TRHDE: variants seen among roughly 807,000 people sequenced by gnomAD.
TRHDE encodes thyrotropin-releasing hormone-degrading ectoenzyme.
A neutral mutation model predicts 125.7 loss-of-function variants in TRHDE; 72 were observed. The observed-to-expected ratio is 0.57, with a 90% CI of 0.47 to 0.70. TRHDE has a LOEUF of 0.70. TRHDE is among the 30% of genes least tolerant of loss of function. The pLI, the probability that TRHDE is intolerant of heterozygous loss-of-function variation, is 0.00. For synonymous variants in TRHDE, 509 were observed against 509.1 expected, an observed-to-expected ratio of 1.00 and a Z score of 0.00; for missense variants, 1,110 against 1,327.1, an observed-to-expected ratio of 0.84 and a Z score of 2.54.
chr12:72,548,342 C>A (rs565327333), intron 7 of TRHDE, among the ~76,000 whole-genome samples: 1 of 151,870 alleles, frequency 6.6e-6, no homozygotes, highest in East Asian at 1.9e-4. Flanking sequence ...AAATTTCTCA[C>A]CTTACAGCAT....
At chr12:72,355,531 C>T (rs529001146) in intron 2 of TRHDE, among the ~76,000 whole-genome samples, 7 of 151,834 alleles carry the variant, frequency 4.6e-5, no homozygotes, top group African/African-American at 1.7e-4. Flanking sequence ...AAAACAATCA[C>T]CACAAAAGCA....
At chr12:72,467,876 A>G (rs551365825) in intron 3 of TRHDE, among the ~76,000 whole-genome samples, 58 of 152,326 alleles carry the variant, frequency 3.8e-4, no homozygotes, top group Non-Finnish European at 6.2e-4. Context: ...TTTTAAAGTC[A>G]GGAATAAAGA....
intron 2 of TRHDE, among the ~76,000 whole-genome samples, chr12:72,355,772 G>C (rs1171079107): frequency 6.6e-6 from 1 of 151,568 alleles, no homozygotes; most frequent in Non-Finnish European, 1.5e-5. Flanking sequence ...AAAGAAGACA[G>C]ACATGTGGCC....
intron 2 of TRHDE, among the ~76,000 whole-genome samples, chr12:72,123,261 G>A (rs1875634632): frequency 6.6e-6 from 1 of 152,162 alleles, no homozygotes; most frequent in South Asian, 2.1e-4. Context: ...TACTTGAGCA[G>A]GGAAGTGAAT....
intron 15 of TRHDE, among the ~76,000 whole-genome samples, chr12:72,630,045 C>CAT (rs1002964208): frequency 6.7e-6 from 1 of 149,050 alleles, no homozygotes; most frequent in African/African-American, 2.5e-5. Context: ...TATATATATA[C>CAT]ATATATATAA....
chr12:72,421,472 A>G (rs1368641701), intron 3 of TRHDE, among the ~76,000 whole-genome samples: 1 of 152,206 alleles, frequency 6.6e-6, no homozygotes, highest in African/African-American at 2.4e-5. Flanking sequence ...TGGCCAGAGA[A>G]GAAGCACAGA....
intron 2 of TRHDE, among the ~76,000 whole-genome samples, chr12:72,216,327 T>C (rs1481235496): frequency 2.6e-5 from 4 of 152,168 alleles, no homozygotes; most frequent in Non-Finnish European, 4.4e-5. Flanking sequence ...ACCCATTATT[T>C]CACTTTATTC....
At chr12:72,423,448 G>C (rs1034533586) in intron 3 of TRHDE, among the ~76,000 whole-genome samples, 9 of 152,092 alleles carry the variant, frequency 5.9e-5, no homozygotes, top group African/African-American at 2.2e-4. Flanking sequence ...CTCTTAAGGT[G>C]GTGTGGATTT....
chr12:72,527,433 A>G (rs682849), intron 6 of TRHDE, among the ~76,000 whole-genome samples: 19 of 152,244 alleles, frequency 1.2e-4, no homozygotes, highest in Middle Eastern at 3.4e-3. Context: ...AATTTCAGGC[A>G]TGGAGAACGT....
chr12:72,628,232 G>A (rs1234586116), intron 15 of TRHDE, among the ~76,000 whole-genome samples: 1 of 151,842 alleles, frequency 6.6e-6, no homozygotes, highest in Non-Finnish European at 1.5e-5. Context: ...TATTTTAACT[G>A]TGATGAGAAG....
chr12:72,537,379 C>T (rs1303937113), intron 6 of TRHDE, among the ~76,000 whole-genome samples: 2 of 151,890 alleles, frequency 1.3e-5, no homozygotes, highest in Non-Finnish European at 2.9e-5. Flanking sequence ...GGGCGGTTTC[C>T]CCCATACTGT....
intron 6 of TRHDE, among the ~76,000 whole-genome samples, chr12:72,515,645 A>G (rs1365642147): frequency 6.6e-6 from 1 of 151,984 alleles, no homozygotes. Context: ...CTTTAGTTTA[A>G]TTAGATCCCA....
intron 4 of TRHDE, among the ~76,000 whole-genome samples, chr12:72,470,505 T>A (rs1172024728): frequency 6.6e-6 from 1 of 152,224 alleles, no homozygotes; most frequent in Admixed American, 6.5e-5. Context: ...CATTTTGATT[T>A]TATGCATTTT....
chr12:72,626,574 G>A (rs1259113070), intron 15 of TRHDE, among the ~76,000 whole-genome samples: 2 of 151,826 alleles, frequency 1.3e-5, no homozygotes, highest in Non-Finnish European at 2.9e-5. Flanking sequence ...GAGGACATTT[G>A]CCCCTTTTCC....
At position 72,437,259 on chromosome 12, in the gene TRHDE, A is replaced by T. The variant is rs190684123; in HGVS notation, c.1316-32499A>T. ...TCAAATATTGCCTTACAGAGAATGA[A>T]TGCTCTGTGGAAGTAATTATTATCT... On this transcript the variant is annotated intron_variant, in intron 3 of 18. Transcript: ENST00000261180. Among the ~76,000 whole-genome samples the T allele has an allele frequency of 2.0e-5, 3 of 151,986 alleles. No individual in the cohort carries two copies. The East Asian group carries it at 5.8e-4, about 29-fold the overall frequency.
At chr12:72,343,544 G>T (rs1870178473) in intron 2 of TRHDE, among the ~76,000 whole-genome samples, 1 of 152,024 alleles carries the variant, frequency 6.6e-6, no homozygotes, top group African/African-American at 2.4e-5. Context: ...CTTGTCCTAA[G>T]CCAGGTGTAA....
At chr12:72,543,963 T>C (rs1869285933) in intron 7 of TRHDE, among the ~76,000 whole-genome samples, 1 of 151,242 alleles carries the variant, frequency 6.6e-6, no homozygotes, top group Admixed American at 6.6e-5. Flanking sequence ...CTGACTCATA[T>C]CATATTAAAC....
intron 12 of TRHDE, among the ~76,000 whole-genome samples, chr12:72,589,314 TTTTC>T (rs1476427290): frequency 1.3e-5 from 2 of 152,184 alleles, no homozygotes; most frequent in Non-Finnish European, 2.9e-5. Flanking sequence ...GCTCATTTGC[TTTTC>T]TTTTTTTCTT....
intron 2 of TRHDE, among the ~76,000 whole-genome samples, chr12:72,187,779 C>T (rs1592475717): frequency 6.6e-6 from 1 of 152,174 alleles, no homozygotes; most frequent in African/African-American, 2.4e-5. Flanking sequence ...TAAGATTAAA[C>T]ATCACATCCA....
Sources: allele counts gnomAD v4.1 joint callset (sites outside exome capture counted in the v4.1 genomes callset), GRCh38; gene constraint gnomAD v4.1.1; transcripts MANE v1.5; gene names NCBI Gene and HGNC (gene_info 2026-07-23, HGNC 2026-07-21).